Variants in ZNG1F observed in about 807,000 individuals in gnomAD.
ZNG1F encodes zinc-regulated GTPase metalloprotein activator 1F.
the ZNG1F span, among the ~76,000 whole-genome samples, chr9:41,140,323 T>G: frequency 3.1e-5 from 1 of 32,774 alleles, no homozygotes; most frequent in African/African-American, 7.2e-5. Flanking sequence ...GAACAGTGTA[T>G]CGAAATAATA....
the ZNG1F span, among the ~76,000 whole-genome samples, chr9:41,139,410 TCTTA>T: frequency 7.1e-6 from 1 of 141,606 alleles, no homozygotes; most frequent in African/African-American, 2.6e-5. Context: ...CTTTGAGGGT[TCTTA>T]GCTTTGCTGG....
At chr9:41,132,472 T>C in the ZNG1F span, 1 of 1,443,800 alleles carries the variant, frequency 6.9e-7, no homozygotes, top group South Asian at 1.4e-5. Context: ...AAATACAAAC[T>C]CTTAAGCTGA....
At chr9:41,154,736 G>C in the ZNG1F span, among the ~76,000 whole-genome samples, 4 of 150,032 alleles carry the variant, frequency 2.7e-5, no homozygotes, top group South Asian at 2.1e-4. Context: ...ACAAACCTGA[G>C]AAAAACAAGC....
the ZNG1F span, among the ~76,000 whole-genome samples, chr9:41,201,124 C>A: frequency 7.0e-6 from 1 of 142,110 alleles, no homozygotes; most frequent in East Asian, 2.2e-4. Flanking sequence ...TGTAGAATAA[C>A]AATTATAAGT....
the ZNG1F span, among the ~76,000 whole-genome samples, chr9:41,202,751 C>T: frequency 7.0e-6 from 1 of 142,086 alleles, no homozygotes; most frequent in Non-Finnish European, 1.5e-5. Flanking sequence ...CTTCACTGTA[C>T]TTTCCTGAAT....
the ZNG1F span, among the ~76,000 whole-genome samples, chr9:41,149,783 T>C: frequency 3.3e-5 from 5 of 151,054 alleles, 1 homozygote; most frequent in African/African-American, 9.7e-5. Flanking sequence ...AGCAATACTG[T>C]ATTGTACACT....
the ZNG1F span, chr9:41,174,364 T>C: frequency 3.1e-6 from 5 of 1,606,752 alleles, no homozygotes; most frequent in East Asian, 8.9e-5. Context: ...TGAAAATATA[T>C]AATATTCATC....
chr9:41,158,629 ACT>A, the ZNG1F span: 2 of 61,386 alleles, frequency 3.3e-5, no homozygotes, highest in South Asian at 7.0e-4. Flanking sequence ...AACAAATTAC[ACT>A]CTTTTACAGA....
the ZNG1F span, among the ~76,000 whole-genome samples, chr9:41,150,354 G>A: frequency 6.7e-6 from 1 of 149,700 alleles, no homozygotes; most frequent in Non-Finnish European, 1.5e-5. Context: ...TGCTAGCACA[G>A]CAGTCTGAGA....
chr9:41,198,214 C>T, the ZNG1F span, among the ~76,000 whole-genome samples: 7,053 of 101,354 alleles, frequency 0.07, 7 homozygotes, highest in Non-Finnish European at 0.099. Flanking sequence ...ACAGCCTGAC[C>T]GACATGGTGA....
At chr9:41,132,898 A>G in the ZNG1F span, 1 of 249,884 alleles carries the variant, frequency 4.0e-6, no homozygotes, top group African/African-American at 2.4e-5. Flanking sequence ...AGAAATGAGA[A>G]ACGAATTATC....
chr9:41,204,388 TTATATA>T, the ZNG1F span, among the ~76,000 whole-genome samples: 4 of 20,228 alleles, frequency 2.0e-4, no homozygotes, highest in African/African-American at 2.4e-4. Context: ...AATTTTTATT[TTATATA>T]TATATATATA....
chr9:41,165,193 A>T, the ZNG1F span: 1 of 996,298 alleles, frequency 1.0e-6, no homozygotes, highest in Non-Finnish European at 1.4e-6. Flanking sequence ...ATAAATAAAA[A>T]CACCTCATGT....
the ZNG1F span, among the ~76,000 whole-genome samples, chr9:41,166,324 G>A: frequency 8.0e-5 from 10 of 124,402 alleles, no homozygotes; most frequent in Admixed American, 8.6e-5. Context: ...AGCTACTTGG[G>A]AGGCTGAGGC....
At chr9:41,145,505 TAA>T in the ZNG1F span, 1 of 624,416 alleles carries the variant, frequency 1.6e-6, no homozygotes, top group Non-Finnish European at 2.6e-6. Flanking sequence ...GCTGGCAGAT[TAA>T]GTTTTTTTAA....
At chr9:41,150,522 G>A in the ZNG1F span, among the ~76,000 whole-genome samples, 1 of 112,848 alleles carries the variant, frequency 8.9e-6, no homozygotes, top group Non-Finnish European at 1.8e-5. Flanking sequence ...TGGGGGCAGG[G>A]CACAGACACA....
the ZNG1F span, chr9:41,165,072 T>A: frequency 6.3e-7 from 1 of 1,579,610 alleles, no homozygotes; most frequent in East Asian, 2.3e-5. Context: ...GAATGATATC[T>A]GCCAAAGCAA....
the ZNG1F span, among the ~76,000 whole-genome samples, chr9:41,146,307 ATTACT>A: frequency 1.7e-5 from 1 of 60,388 alleles, no homozygotes; most frequent in African/African-American, 5.9e-5. Context: ...GTAGAATGAG[ATTACT>A]TTAGAAAAAC....
chr9:41,154,791 G>A, the ZNG1F span, among the ~76,000 whole-genome samples: 7 of 150,274 alleles, frequency 4.7e-5, no homozygotes, highest in East Asian at 5.9e-4. Flanking sequence ...TGGGAAAACC[G>A]GCTAGCCATA....
Sources: gnomAD v4.1 joint callset for allele counts (sites outside exome capture counted in the v4.1 genomes callset) on GRCh38, gnomAD v4.1.1 for gene constraint, MANE v1.5 for transcripts, NCBI Gene and HGNC (gene_info 2026-07-23, HGNC 2026-07-21) for gene names.